The following CGRRF1 variants were observed in gnomAD, a reference collection of about 807,000 sequenced individuals.
CGRRF1 encodes the protein cell growth regulator with ring finger domain 1, also known as cell growth regulator with RING finger domain protein 1.
In CGRRF1, 32 loss-of-function variants were observed where a neutral mutation model predicts 37.2. The ratio of observed to expected loss-of-function variants is 0.86; its 90% confidence interval spans 0.65 to 1.16. The LOEUF is 1.16. Among genes scored for constraint, CGRRF1 ranks in the 50% most tolerant of loss-of-function variants. CGRRF1 has a pLI of 0.00. For missense variants in CGRRF1, 391 were observed against 382.6 expected, an observed-to-expected ratio of 1.02 and a Z score of -0.18; for synonymous variants, 141 against 140.3, an observed-to-expected ratio of 1.00 and a Z score of -0.04.
At chr14:54,533,363 C>G (rs945612742) in intron 4 of CGRRF1, among the ~76,000 whole-genome samples, 14 of 151,966 alleles carry the variant, frequency 9.2e-5, no homozygotes, top group Admixed American at 8.5e-4. Flanking sequence ...CAGCCATCTT[C>G]TCTTGTGCTT....
chr14:54,538,634 T>C lies in CGRRF1; in HGVS notation c.*251T>C. The C allele has an allele frequency of 3.4e-6, 1 of 296,962 alleles. No homozygotes were observed. The highest frequency in any genetic ancestry group is 2.2e-5 in the African/African-American group (1 of 46,256). The allele number at this position is 296,962 out of a possible 1,614,324, so 18.4% of individuals were successfully genotyped here. On this transcript the variant is annotated 3_prime_UTR_variant, in exon 6 of 6. Transcript: ENST00000216420. The stretch of plus-strand genomic sequence containing the variant: ...GAAAAGAATCTAAGAGTTTGGCCTT[T>C]TATTAGCTAGATTTCCTCTCATGTT...
intron 4 of CGRRF1, chr14:54,537,365 C>A (rs867702226): frequency 3.2e-4 from 50 of 154,202 alleles, no homozygotes; most frequent in Middle Eastern, 3.1e-3. Context: ...TTCTCTGGTC[C>A]CTTTACATCC....
chr14:54,514,571 T>C (rs373313574), intron 1 of CGRRF1, among the ~76,000 whole-genome samples: 2 of 152,400 alleles, frequency 1.3e-5, no homozygotes, highest in Admixed American at 6.5e-5. Context: ...TCAATAGTTA[T>C]CTTTTCTGCT....
At chr14:54,512,149 A>C (rs2032139976) in intron 1 of CGRRF1, among the ~76,000 whole-genome samples, 1 of 152,040 alleles carries the variant, frequency 6.6e-6, no homozygotes, top group Non-Finnish European at 1.5e-5. Context: ...TTTTGTTTTA[A>C]CCTCCCATAA....
At chr14:54,535,137 C>T (rs1024247447) in intron 4 of CGRRF1, among the ~76,000 whole-genome samples, 9 of 152,014 alleles carry the variant, frequency 5.9e-5, no homozygotes, top group African/African-American at 1.9e-4. Flanking sequence ...TGTGTATTTC[C>T]TAAAAATAAG....
rs75012734 is a variant in CGRRF1 at position 54,524,995 on chromosome 14, C to T, written c.244+2402C>T. 3.0e-4 allele frequency among the ~76,000 whole-genome samples: 45 copies of T among 152,122 alleles called. 2 individuals are homozygous for T. In the East Asian group the frequency reaches 7.5e-3, roughly 25 times the overall value. On this transcript the variant is annotated intron_variant, in intron 2 of 5. Coordinates refer to ENST00000216420, the MANE Select transcript of CGRRF1 (RefSeq NM_006568.3). ...CCAGGAGGTCGAGGTTGCAGTAAGC[C>T]GTGATCACACCACTTCACTTCAGCC...
chr14:54,532,177 C>G (rs2032527024), intron 4 of CGRRF1, among the ~76,000 whole-genome samples: 1 of 152,052 alleles, frequency 6.6e-6, no homozygotes, highest in Non-Finnish European at 1.5e-5. Flanking sequence ...GAATATCTTC[C>G]TGCAACAAGT....
intron 1 of CGRRF1, among the ~76,000 whole-genome samples, chr14:54,518,576 GT>G (rs2140056467): frequency 6.6e-6 from 1 of 151,204 alleles, no homozygotes; most frequent in East Asian, 1.9e-4. Context: ...AAAAAAAAGT[GT>G]TTCTTTTTCT....
At chr14:54,516,957 A>G (rs1182502372) in intron 1 of CGRRF1, among the ~76,000 whole-genome samples, 1 of 152,082 alleles carries the variant, frequency 6.6e-6, no homozygotes, top group Non-Finnish European at 1.5e-5. Flanking sequence ...CATCCACTAT[A>G]TTTTTTATCT....
At chr14:54,517,149 T>C (rs149444068) in intron 1 of CGRRF1, among the ~76,000 whole-genome samples, 61 of 152,334 alleles carry the variant, frequency 4.0e-4, no homozygotes, top group African/African-American at 1.4e-3. Flanking sequence ...TCTATTTCTA[T>C]AGAGTTTTGC....
chr14:54,510,208 T>C, intron 1 of CGRRF1, 145 bp downstream of exon 1: 1 of 627,150 alleles, frequency 1.6e-6, no homozygotes, highest in Non-Finnish European at 2.8e-6. Context: ...ACTCCGACTT[T>C]CTCTGGGAGG....
rs764485821 is a variant in CGRRF1, at chr14:54,522,509, A to G, written c.160A>G (p.Thr54Ala). The G allele has an allele frequency of 3.1e-6, 5 of 1,610,068 alleles. No homozygotes were observed. Among genetic ancestry groups the G allele is most frequent in the Admixed American group, 3.4e-5 (2 of 59,210 alleles). Reference protein sequence around the residue: ...LRNSEETQFSTRVFKKQMRQV... With the variant: ...LRNSEETQFSARVFKKQMRQV... ...AAATTCAGAAGAGACCCAGTTCAGC[A>G]CAAGAGTTTTCAAAAAGCAAATGAG... The change falls in exon 2 of 6, where the codon ACA becomes GCA. Residue 54 changes from threonine to alanine, a missense_variant. By Grantham distance (58) the Thr-to-Ala change is moderately conservative. Transcript: ENST00000216420.
chr14:54,538,920 G>A lies in CGRRF1; in HGVS notation c.*537G>A, dbSNP rs1228636663. 2 of 152,308 alleles carry A rather than the reference G, an allele frequency of 1.3e-5. No homozygotes were observed. Among genetic ancestry groups the A allele is most frequent in the Non-Finnish European group, 2.9e-5 (2 of 68,184 alleles). The allele number at this position is 152,308 out of a possible 1,614,324, so 9.4% of individuals were successfully genotyped here. ...CCTTATTATAGTTACGTAAATACAG[G>A]TCATAGTTTTAAATATAGGTTCTTA... On this transcript the variant is annotated 3_prime_UTR_variant, in exon 6 of 6. Coordinates refer to ENST00000216420, the MANE Select transcript of CGRRF1 (RefSeq NM_006568.3).
intron 2 of CGRRF1, 32 bp downstream of exon 2, chr14:54,522,625 A>G: frequency 6.4e-7 from 1 of 1,559,722 alleles, no homozygotes; most frequent in Non-Finnish European, 8.7e-7. Flanking sequence ...ATTTTCTCTC[A>G]TTGTTTGCCC....
intron 2 of CGRRF1, among the ~76,000 whole-genome samples, chr14:54,523,440 A>G (rs1482645082): frequency 6.6e-6 from 1 of 152,168 alleles, no homozygotes; most frequent in East Asian, 1.9e-4. Flanking sequence ...GTAAAGAAAG[A>G]GATGCTTAAA....
At chr14:54,517,965 T>C (rs916740528) in intron 1 of CGRRF1, among the ~76,000 whole-genome samples, 1 of 152,264 alleles carries the variant, frequency 6.6e-6, no homozygotes, top group East Asian at 1.9e-4. Flanking sequence ...TGTTCCTTTT[T>C]ATGGCTGCAT....
rs948070291 is a variant in CGRRF1, at chr14:54,524,250, G to A, written c.244+1657G>A. 8.5e-5 allele frequency among the ~76,000 whole-genome samples: 13 copies of A among 152,138 alleles called. 1 individual carries two copies. The highest frequency in any genetic ancestry group is 1.3e-4 in the Admixed American group (2 of 15,278). On this transcript the variant is annotated intron_variant, in intron 2 of 5. Transcript: ENST00000216420. Reference sequence around the variant, plus strand: ...CATTTGCAACGTCCTGCTCCCTTGCGTCTATGGACCATTCTTGTCTATTCA... The same window carrying A: ...CATTTGCAACGTCCTGCTCCCTTGCATCTATGGACCATTCTTGTCTATTCA...
At chr14:54,516,440 G>A (rs961620428) in intron 1 of CGRRF1, among the ~76,000 whole-genome samples, 1 of 151,962 alleles carries the variant, frequency 6.6e-6, no homozygotes, top group African/African-American at 2.4e-5. Context: ...TTTTTTTCCT[G>A]TTAGTTCTTT....
At chr14:54,512,007 T>C (rs1478989154) in intron 1 of CGRRF1, among the ~76,000 whole-genome samples, 1 of 152,218 alleles carries the variant, frequency 6.6e-6, no homozygotes, top group African/African-American at 2.4e-5. Context: ...CATGTATTTA[T>C]TGACTAGAAA....
Sources: gnomAD v4.1 joint callset for allele counts (sites outside exome capture counted in the v4.1 genomes callset) on GRCh38, gnomAD v4.1.1 for gene constraint, MANE v1.5 for transcripts, NCBI Gene and HGNC (gene_info 2026-07-23, HGNC 2026-07-21) for gene names.